EEA1: variants seen among roughly 807,000 people sequenced by gnomAD.
The protein encoded by EEA1 is early endosome antigen 1.
A neutral mutation model predicts 209.2 loss-of-function variants in EEA1; 111 were observed. That is an observed-to-expected ratio of 0.53 (90% confidence interval 0.45 to 0.62). The LOEUF (loss-of-function observed/expected upper bound fraction) is 0.62. Ranked by LOEUF, EEA1 falls within the 20% of genes least tolerant of loss-of-function variation. The probability of loss-of-function intolerance (pLI) is 0.00; values close to 1 mark genes in which losing one functional copy is unlikely to be tolerated. For synonymous variants in EEA1, 536 were observed against 540.6 expected, an observed-to-expected ratio of 0.99 and a Z score of 0.12; for missense variants, 1,343 against 1,530.8, an observed-to-expected ratio of 0.88 and a Z score of 2.05.
At chr12:92,813,900 CT>C (rs1160373316) in intron 15 of EEA1, among the ~76,000 whole-genome samples, 2 of 152,092 alleles carry the variant, frequency 1.3e-5, no homozygotes, top group African/African-American at 4.8e-5. Context: ...GTAGTCACAG[CT>C]ACTCAGGAGG....
At chr12:92,807,687 A>G (rs1045599827) in intron 18 of EEA1, among the ~76,000 whole-genome samples, 2 of 152,034 alleles carry the variant, frequency 1.3e-5, no homozygotes, top group Non-Finnish European at 2.9e-5. Flanking sequence ...CAATAGCATT[A>G]AAAAAATATT....
intron 23 of EEA1, 72 bp from the exon 24 acceptor site, chr12:92,780,483 G>T: frequency 9.2e-7 from 1 of 1,087,500 alleles, no homozygotes; most frequent in South Asian, 1.7e-5. Context: ...TAATAAAAAT[G>T]ACTGCTACTA....
intron 1 of EEA1, among the ~76,000 whole-genome samples, chr12:92,926,213 G>C (rs867927084): frequency 3.3e-5 from 5 of 151,666 alleles, no homozygotes; most frequent in African/African-American, 1.2e-4. Context: ...GGCTGGTCTC[G>C]AACTCCCGAC....
rs571391476 is a variant in EEA1, at chr12:92,854,651, C to A, written c.367-697G>T. Among the ~76,000 whole-genome samples the A allele has an allele frequency of 2.6e-5, 4 of 152,324 alleles. No homozygotes were observed. In the South Asian group the frequency reaches 8.3e-4, roughly 32 times the overall value. ...CTTTCTTTGAGACTGGCAGCTCATG[C>A]TGCAATAGGGCCATATCCTATTGGC... On this transcript the variant is annotated intron_variant, in intron 5 of 28. Transcript: ENST00000322349.
At chr12:92,926,239 C>T (rs540599122) in intron 1 of EEA1, among the ~76,000 whole-genome samples, 2 of 152,130 alleles carry the variant, frequency 1.3e-5, no homozygotes, top group African/African-American at 2.4e-5. Context: ...GTGATCCGCC[C>T]GTCTCGGCCT....
At chr12:92,849,662 G>A (rs1227501402) in intron 9 of EEA1, among the ~76,000 whole-genome samples, 1 of 152,162 alleles carries the variant, frequency 6.6e-6, no homozygotes. Context: ...GCCTATGTGT[G>A]TTATATCCAC....
chr12:92,929,261 G>A lies in EEA1; in HGVS notation c.-195C>T, dbSNP rs1048276253. ...GGCGAGAGGGAGCACGCGAGAGAGA[G>A]CGAGCGAACGACTAGGCAGCCTGCG... On this transcript the variant is annotated 5_prime_UTR_variant, in exon 1 of 29. Transcript: ENST00000322349. The A allele has an allele frequency of 6.6e-6, 3 of 456,582 alleles. No homozygotes were observed. The highest frequency in any genetic ancestry group is 8.7e-5 in the Admixed American group (2 of 22,942). The allele number at this position is 456,582 out of a possible 1,614,324, so 28.3% of individuals were successfully genotyped here. A position where few individuals can be genotyped will look rare whatever the true frequency, so the allele number is the denominator to read the frequency against.
chr12:92,907,444 G>A (rs1880424076), intron 1 of EEA1, among the ~76,000 whole-genome samples: 2 of 152,104 alleles, frequency 1.3e-5, no homozygotes, highest in South Asian at 4.1e-4. Context: ...TAAATCCAAG[G>A]CATCACTCTT....
At chr12:92,872,882 G>C (rs559274440) in intron 2 of EEA1, among the ~76,000 whole-genome samples, 14 of 152,086 alleles carry the variant, frequency 9.2e-5, no homozygotes, top group African/African-American at 2.9e-4. Context: ...GAACCCGGGA[G>C]GGGGGAGGTT....
intron 1 of EEA1, among the ~76,000 whole-genome samples, chr12:92,898,328 C>T (rs981098073): frequency 1.3e-5 from 2 of 152,154 alleles, no homozygotes; most frequent in Non-Finnish European, 2.9e-5. Context: ...CTCAGAAGAA[C>T]TCAGGGTTCT....
intron 1 of EEA1, among the ~76,000 whole-genome samples, chr12:92,928,403 G>A (rs1217691004): frequency 5.9e-5 from 9 of 152,102 alleles, no homozygotes; most frequent in Non-Finnish European, 8.8e-5. Flanking sequence ...AAGGTAGTGG[G>A]GCTTGCACAG....
chr12:92,924,815 A>C (rs1881142911), intron 1 of EEA1, among the ~76,000 whole-genome samples: 1 of 141,426 alleles, frequency 7.1e-6, no homozygotes, highest in South Asian at 2.3e-4. Context: ...TTAATATCTT[A>C]ATCTCTTCTT....
intron 3 of EEA1, chr12:92,859,374 G>GT (rs1299377234): frequency 1.4e-6 from 1 of 715,002 alleles, no homozygotes; most frequent in Non-Finnish European, 2.4e-6. Context: ...TTCCTGTCCT[G>GT]TTTCAGCACC....
intron 1 of EEA1, among the ~76,000 whole-genome samples, chr12:92,900,303 G>A (rs73209544): frequency 0.21 from 32,303 of 152,078 alleles, 4,651 homozygotes; most frequent in Non-Finnish European, 0.32. Context: ...GTTGTTCTTA[G>A]CCTAGGGAAT....
At chr12:92,906,717 G>A (rs1442582768) in intron 1 of EEA1, among the ~76,000 whole-genome samples, 1 of 152,104 alleles carries the variant, frequency 6.6e-6, no homozygotes, top group Non-Finnish European at 1.5e-5. Flanking sequence ...GGGAGGCTGA[G>A]GCAGGAGAAT....
At chr12:92,883,938 G>A (rs1424510831) in intron 2 of EEA1, 70 of 1,525,736 alleles carry the variant, frequency 4.6e-5, no homozygotes, top group Non-Finnish European at 6.2e-5. Flanking sequence ...AGCACTCCAG[G>A]GGCTTTGGGT....
chr12:92,883,799 A>G, intron 2 of EEA1: 3 of 1,565,834 alleles, frequency 1.9e-6, no homozygotes, highest in Non-Finnish European at 2.6e-6. Context: ...TCTCCTAAAG[A>G]GCCCGAACAG....
chr12:92,923,696 G>C (rs968378906), intron 1 of EEA1, among the ~76,000 whole-genome samples: 2 of 150,084 alleles, frequency 1.3e-5, no homozygotes, highest in Non-Finnish European at 3.0e-5. Flanking sequence ...ACATTGTTTT[G>C]TAATTATTTA....
chr12:92,929,113 C>G lies in EEA1; in HGVS notation c.-47G>C. On this transcript the variant is annotated 5_prime_UTR_variant, in exon 1 of 29. Transcript: ENST00000322349. ...CGCCGCGGTGACTCTCCAGACCCTGCGCGGGGCCACTCACTACTCGGGGTG... is the reference window on the plus strand; with the variant it reads ...CGCCGCGGTGACTCTCCAGACCCTGGGCGGGGCCACTCACTACTCGGGGTG... 6.4e-7 allele frequency: 1 copy of G among 1,555,364 alleles called. No individual in the cohort carries two copies. Among genetic ancestry groups the G allele is most frequent in the Non-Finnish European group, 8.7e-7 (1 of 1,149,730 alleles).
Sources: allele counts gnomAD v4.1 joint callset (sites outside exome capture counted in the v4.1 genomes callset), GRCh38; gene constraint gnomAD v4.1.1; transcripts MANE v1.5; gene names NCBI Gene and HGNC (gene_info 2026-07-23, HGNC 2026-07-21).